The following VWA5B1 variants were observed in gnomAD, a reference collection of about 807,000 sequenced individuals.
The protein encoded by VWA5B1 is von Willebrand factor A domain containing 5B1.
In VWA5B1, 115 loss-of-function variants were observed where a neutral mutation model predicts 118.2. The ratio of observed to expected loss-of-function variants is 0.97; its 90% CI spans 0.84 to 1.14. The LOEUF is 1.14. VWA5B1 is among the 50% of genes most tolerant of loss of function. The pLI is 0.00. For missense variants in VWA5B1, 1,596 were observed against 1,603.8 expected (o/e 1.00, Z 0.08); for synonymous variants, 682 against 658.4 (o/e 1.04, Z -0.55).
At chr1:20,308,505 A>T (rs2088737638) in intron 1 of VWA5B1, among the ~76,000 whole-genome samples, 1 of 151,878 alleles carries the variant, frequency 6.6e-6, no homozygotes. Context: ...GAACATTGGG[A>T]GGGGGGATGT....
At chr1:20,291,817 T>C (rs926777410) in intron 1 of VWA5B1, among the ~76,000 whole-genome samples, 4 of 152,158 alleles carry the variant, frequency 2.6e-5, no homozygotes, top group Admixed American at 1.3e-4. Context: ...AGGAGGCGGC[T>C]AGTGGAGAGG....
intron 9 of VWA5B1, among the ~76,000 whole-genome samples, chr1:20,329,675 G>T (rs2089489540): frequency 6.6e-6 from 1 of 152,254 alleles, no homozygotes; most frequent in African/African-American, 2.4e-5. Flanking sequence ...TACTCTTGCT[G>T]CAAATGACAT....
At chr1:20,341,689 A>G (rs1170480437) in intron 14 of VWA5B1, among the ~76,000 whole-genome samples, 1 of 152,242 alleles carries the variant, frequency 6.6e-6, no homozygotes, top group East Asian at 1.9e-4. Context: ...GATCTTTGTC[A>G]TGACTATTGC....
intron 21 of VWA5B1, 24 bp downstream of exon 21, chr1:20,352,196 C>A: frequency 6.6e-7 from 1 of 1,526,330 alleles, no homozygotes; most frequent in South Asian, 1.2e-5. Flanking sequence ...CCCCAGGTGT[C>A]AGTCTCCCTC....
intron 13 of VWA5B1, among the ~76,000 whole-genome samples, chr1:20,337,232 A>T (rs942859001): frequency 4.6e-5 from 7 of 152,082 alleles, no homozygotes; most frequent in African/African-American, 1.7e-4. Context: ...GATTCAAGCA[A>T]TTCTCATGCC....
At chr1:20,319,309 C>T in intron 6 of VWA5B1, 73 bp from the exon 7 acceptor site, 1 of 1,531,450 alleles carries the variant, frequency 6.5e-7, no homozygotes, top group East Asian at 2.5e-5. Context: ...AATCTTGCAC[C>T]TAAACCAAAG....
At position 20,330,935 on chromosome 1, in the gene VWA5B1, C is replaced by G. The variant is rs368998968; in HGVS notation, c.1524C>G (p.Ser508=). ...HRLVKGLASV[S]EGSAELLMEG... is the part of the protein sequence containing the mutation. ...TGGTGAAAGGACTGGCATCTGTGTC[C>G]GAGGGCAGTGCTGAGCTCCTGATGG... Residue 508 remains serine, a synonymous_variant, in exon 11 of 22, where the codon TCC becomes TCG. Coordinates refer to ENST00000289815, the MANE Select transcript of VWA5B1 (RefSeq NM_001039500.3). 1.3e-6 allele frequency: 2 copies of G among 1,551,460 alleles called. No homozygotes were observed. The highest frequency in any genetic ancestry group is 2.4e-5 in the South Asian group (2 of 84,036).
rs1557464297 is a variant in VWA5B1, at chr1:20,358,342, G to T, written c.*4079G>T. On this transcript the variant is annotated 3_prime_UTR_variant, in exon 22 of 22. Coordinates refer to ENST00000289815, the MANE Select transcript of VWA5B1 (RefSeq NM_001039500.3). The stretch of plus-strand genomic sequence containing the variant: ...CAGCTGTCAAAAAAGGTTTCTGGAA[G>T]TTTCCTCTAGATCCTGACTTGCCCT... 6.6e-6 allele frequency among the ~76,000 whole-genome samples: 1 copy of T among 152,236 alleles called. No homozygotes were observed. Among genetic ancestry groups the T allele is most frequent in the East Asian group, 1.9e-4 (1 of 5,194 alleles).
At position 20,353,895 on chromosome 1, in the gene VWA5B1, T is replaced by C. The variant is rs1298343265; in HGVS notation, c.3280T>C (p.Ser1094Pro). The C allele has an allele frequency of 9.7e-6, 15 of 1,548,036 alleles. No homozygotes were observed. The highest frequency in any genetic ancestry group is 1.4e-5 in the African/African-American group (1 of 73,112). The change falls in exon 22 of 22, where the codon TCC (serine) becomes CCC (proline). Residue 1094 changes from serine to proline, a missense_variant. Coordinates refer to ENST00000289815, the MANE Select transcript of VWA5B1 (RefSeq NM_001039500.3). ...GTCCCTCACCACCCGCCCGTCTGAG[T>C]CCAAGACCCCGAGTCCCCAGCTGTG... ...RVSLTTRPSE[S>P]KTPSPQLCTS...
Position 20,314,493 on chromosome 1 carries a change from C to A in VWA5B1, c.464C>A (p.Pro155His), listed in dbSNP as rs866941520. ...ISTSSELPTL[P>H]SGAVRVLLPA... is the part of the protein sequence containing the mutation. ...ACCTCCTCGGAGCTCCCAACGCTGCCCAGCGGGGCTGTGAGGGTCCTTCTG... is the reference window on the plus strand; with the variant it reads ...ACCTCCTCGGAGCTCCCAACGCTGCACAGCGGGGCTGTGAGGGTCCTTCTG... Residue 155 changes from proline to histidine, a missense_variant, in exon 4 of 22, where the codon CCC (proline) becomes CAC (histidine). By Grantham distance (77) the Pro-to-His change is moderately conservative. Transcript: ENST00000289815. 1.7e-5 allele frequency: 26 copies of A among 1,551,628 alleles called. No homozygotes were observed. The African/African-American group carries it at 3.4e-4, about 20-fold the overall frequency.
chr1:20,311,863 C>T (rs1010397290), intron 2 of VWA5B1, among the ~76,000 whole-genome samples: 2 of 152,128 alleles, frequency 1.3e-5, no homozygotes, highest in Admixed American at 1.3e-4. Flanking sequence ...GGCAAATGGC[C>T]CTGTTCCTCT....
At chr1:20,344,176 C>T (rs2100995956) in intron 16 of VWA5B1, among the ~76,000 whole-genome samples, 1 of 151,650 alleles carries the variant, frequency 6.6e-6, no homozygotes, top group Admixed American at 6.6e-5. Flanking sequence ...GCCCTGGGCT[C>T]TTCCACCCCC....
intron 8 of VWA5B1, among the ~76,000 whole-genome samples, chr1:20,325,378 A>G (rs1484469375): frequency 1.3e-5 from 2 of 152,212 alleles, no homozygotes; most frequent in East Asian, 3.8e-4. Flanking sequence ...CTTTCTGTAG[A>G]GAGAGAAGGA....
At chr1:20,308,922 C>A (rs907574313) in intron 1 of VWA5B1, among the ~76,000 whole-genome samples, 2 of 152,102 alleles carry the variant, frequency 1.3e-5, no homozygotes, top group Non-Finnish European at 2.9e-5. Context: ...GGCTACCAGC[C>A]CAGGGAAGCT....
At position 20,355,158 on chromosome 1, in the gene VWA5B1, G is replaced by A. The variant is rs2090207538; in HGVS notation, c.*895G>A. On this transcript the variant is annotated 3_prime_UTR_variant, in exon 22 of 22. Coordinates refer to ENST00000289815, the MANE Select transcript of VWA5B1 (RefSeq NM_001039500.3). ...CTGCATCACTTGTACTGAGGCACGA[G>A]GGAGCCACCACCAAGTAGGTCGCAC... Among the ~76,000 whole-genome samples, 2 of 152,222 alleles carry A rather than the reference G, an allele frequency of 1.3e-5. No homozygotes were observed. The highest frequency in any genetic ancestry group is 4.8e-5 in the African/African-American group (2 of 41,464).
chr1:20,324,976 C>T (rs943090941), intron 8 of VWA5B1, among the ~76,000 whole-genome samples: 2 of 152,190 alleles, frequency 1.3e-5, no homozygotes, highest in Non-Finnish European at 2.9e-5. Flanking sequence ...TATCCCGTTC[C>T]GCATCTTTAT....
chr1:20,291,906 G>A (rs1451889498), intron 1 of VWA5B1, among the ~76,000 whole-genome samples: 3 of 152,166 alleles, frequency 2.0e-5, no homozygotes, highest in East Asian at 3.9e-4. Flanking sequence ...GTCTGCGGCA[G>A]CCCCAACAGT....
At chr1:20,300,839 C>T (rs1043559139) in intron 1 of VWA5B1, among the ~76,000 whole-genome samples, 1 of 152,230 alleles carries the variant, frequency 6.6e-6, no homozygotes, top group African/African-American at 2.4e-5. Flanking sequence ...TAAGACCCCA[C>T]CAATCTTTAC....
chr1:20,319,511 G>A lies in VWA5B1; in HGVS notation c.966+5G>A, dbSNP rs1250443445. The stretch of plus-strand genomic sequence containing the variant: ...AAGAGCAGAGCAGAGCGGAAGGTGA[G>A]GGCAACTGAGGTGGGGAGCGGACGG... On this transcript the variant is annotated splice_donor_5th_base_variant and intron_variant, in intron 7 of 21. Coordinates refer to ENST00000289815, the MANE Select transcript of VWA5B1 (RefSeq NM_001039500.3). 1 of 1,551,386 alleles carries A rather than the reference G, an allele frequency of 6.4e-7. No individual in the cohort carries two copies. Among genetic ancestry groups the A allele is most frequent in the Non-Finnish European group, 8.7e-7 (1 of 1,146,988 alleles).
Sources: gnomAD v4.1 joint callset for allele counts (sites outside exome capture counted in the v4.1 genomes callset) on GRCh38, gnomAD v4.1.1 for gene constraint, MANE v1.5 for transcripts, NCBI Gene and HGNC (gene_info 2026-07-23, HGNC 2026-07-21) for gene names.